DNAH12: variants seen among roughly 807,000 people sequenced by gnomAD.
DNAH12 encodes axonemal beta dynein heavy chain 12.
A neutral mutation model predicts 371.5 loss-of-function variants in DNAH12; 285 were observed. The observed-to-expected ratio is 0.77, with a 90% CI of 0.70 to 0.85. The LOEUF is 0.85. Ranked by LOEUF, DNAH12 falls within the 40% of genes least tolerant of loss-of-function variation. The pLI, the probability that DNAH12 is intolerant of heterozygous loss-of-function variation, is 0.00. For missense variants in DNAH12, 3,611 were observed against 3,689.4 expected (o/e 0.98, Z 0.55); for synonymous variants, 1,200 against 1,213.0 (o/e 0.99, Z 0.22).
intron 35 of DNAH12, among the ~76,000 whole-genome samples, chr3:57,422,794 A>G (rs1034376830): frequency 1.3e-5 from 2 of 152,240 alleles, no homozygotes; most frequent in Admixed American, 6.5e-5. Context: ...TAATAGCAAA[A>G]GATCAAAAGC....
At chr3:57,467,467 T>C (rs1010698656) in intron 17 of DNAH12, among the ~76,000 whole-genome samples, 2 of 152,166 alleles carry the variant, frequency 1.3e-5, no homozygotes, top group Non-Finnish European at 1.5e-5. Context: ...ACAATTTCTC[T>C]GGACTCAAAA....
At chr3:57,373,743 A>T (rs1187816339) in intron 55 of DNAH12, among the ~76,000 whole-genome samples, 6 of 152,318 alleles carry the variant, frequency 3.9e-5, no homozygotes, top group Non-Finnish European at 7.4e-5. Context: ...AAACAGAATG[A>T]TCCCTGCTCT....
rs1335803261 is a variant in DNAH12, at chr3:57,393,797, T to TA, written c.7110+373dup. On this transcript the variant is annotated intron_variant, in intron 44 of 73. Transcript: ENST00000495027. ...CCATAAGATAGTTTTATTAAAACTT[T>TA]AAAAAAATTTACTAACCAGTGTAAA... 5.9e-5 allele frequency among the ~76,000 whole-genome samples: 9 copies of TA among 152,186 alleles called. No individual in the cohort carries two copies. In the East Asian group the frequency reaches 1.7e-3, roughly 29 times the overall value.
chr3:57,405,629 T>C, intron 41 of DNAH12, 24 bp downstream of exon 41: 1 of 1,542,488 alleles, frequency 6.5e-7, no homozygotes, highest in South Asian at 1.2e-5. Flanking sequence ...TTTAACTCAA[T>C]ATGTTCTTAA....
chr3:57,489,682 T>C lies in DNAH12; in HGVS notation c.1341A>G (p.Ile447Met). The C allele has an allele frequency of 6.7e-7, 1 of 1,501,448 alleles. No individual in the cohort carries two copies. The highest frequency in any genetic ancestry group is 1.4e-5 in the South Asian group (1 of 73,954). 93.0% of individuals were successfully genotyped at this position (1,501,448 alleles called of 1,614,324 possible). Residue 447 changes from isoleucine to methionine, a missense_variant, in exon 12 of 74, where the codon ATA becomes ATG. Physicochemically the swap from Ile to Met is conservative, Grantham distance 10. Coordinates refer to ENST00000495027, the MANE Select transcript of DNAH12 (RefSeq NM_001366028.2). ...DHTFDEYTEF[I>M]EKFLSLASEI... The stretch of plus-strand genomic sequence containing the variant: ...CTGAGGCAAGACTGAGAAATTTTTC[T>C]ATAAACTTGAAAAAAAGTGTTCAAA...
chr3:57,455,755 T>G (rs539231347), intron 22 of DNAH12, among the ~76,000 whole-genome samples: 103 of 152,338 alleles, frequency 6.8e-4, no homozygotes, highest in African/African-American at 2.3e-3. Flanking sequence ...AATTATATAT[T>G]TGTTCAATTA....
intron 43 of DNAH12, among the ~76,000 whole-genome samples, chr3:57,397,205 G>C (rs1326942516): frequency 6.6e-6 from 1 of 151,490 alleles, no homozygotes; most frequent in Non-Finnish European, 1.5e-5. Flanking sequence ...GTTCTCCCCT[G>C]AAGACATGTA....
rs895361441 is a variant in DNAH12, at chr3:57,371,614, T to C, written c.8760-3354A>G. 7.5e-4 allele frequency among the ~76,000 whole-genome samples: 114 copies of C among 151,352 alleles called. 2 individuals are homozygous for C. In the South Asian group the frequency reaches 0.021, roughly 28 times the overall value. On this transcript the variant is annotated intron_variant, in intron 55 of 73. Coordinates refer to ENST00000495027, the MANE Select transcript of DNAH12 (RefSeq NM_001366028.2). ...AGGTCAAGGCTGCAGTGGGCCATGA[T>C]TGCACTACTACACTCCAGCCTAGGT...
rs142254009 is a variant in DNAH12 at position 57,346,818 on chromosome 3, T to G, written c.9674+5267A>C. Among the ~76,000 whole-genome samples the G allele has an allele frequency of 2.8e-3, 428 of 152,254 alleles. 1 individual carries two copies. The highest frequency in any genetic ancestry group is 9.8e-3 in the African/African-American group (408 of 41,572). ...GGGAAGTAGGGTAGCTATATTAATT[T>G]CAGACTAAGAAGACTTCAGAGCAAG... On this transcript the variant is annotated intron_variant, in intron 60 of 73. Coordinates refer to ENST00000495027, the MANE Select transcript of DNAH12 (RefSeq NM_001366028.2).
At chr3:57,476,835 C>A (rs983162685) in intron 13 of DNAH12, among the ~76,000 whole-genome samples, 5 of 152,006 alleles carry the variant, frequency 3.3e-5, no homozygotes, top group African/African-American at 1.2e-4. Context: ...AAGGTAAAAA[C>A]ATACTATTAA....
At position 57,295,380 on chromosome 3, in the gene DNAH12, T is replaced by C. The variant is rs2061211725; in HGVS notation, c.11692+145A>G. 12 of 577,832 alleles carry C rather than the reference T, an allele frequency of 2.1e-5. No individual in the cohort carries two copies. In the South Asian group the frequency reaches 3.6e-4, roughly 17 times the overall value. 35.8% of individuals were successfully genotyped at this position (577,832 alleles called of 1,614,324 possible). On this transcript the variant is annotated intron_variant, in intron 73 of 73. Coordinates refer to ENST00000495027, the MANE Select transcript of DNAH12 (RefSeq NM_001366028.2). ...TACACACAAAGAGATAATAATAATT[T>C]CTAATGTAAATGTTCTATTAATGTT...
rs2063567262 is a variant in DNAH12 at position 57,389,608 on chromosome 3, CA to C, written c.7305+2263del. Among the ~76,000 whole-genome samples, 4 of 151,428 alleles carry C rather than the reference CA, an allele frequency of 2.6e-5. No individual in the cohort carries two copies. The South Asian group carries it at 8.4e-4, about 32-fold the overall frequency. Reference sequence around the variant, plus strand: ...ATTCTCAAGCAACAAGATTGAGAGACAAAAAAGGCCCTTTTCTTACCATGTG... The same window carrying C: ...ATTCTCAAGCAACAAGATTGAGAGACAAAAAGGCCCTTTTCTTACCATGTG... On this transcript the variant is annotated intron_variant, in intron 45 of 73. Coordinates refer to ENST00000495027, the MANE Select transcript of DNAH12 (RefSeq NM_001366028.2).
chr3:57,322,936 A>G, intron 64 of DNAH12, 71 bp downstream of exon 64: 1 of 1,501,916 alleles, frequency 6.7e-7, no homozygotes, highest in South Asian at 1.3e-5. Flanking sequence ...TCTCAAAACA[A>G]ACAAACAAAA....
At chr3:57,459,438 TA>T (rs1477287661) in intron 20 of DNAH12, among the ~76,000 whole-genome samples, 153 bp downstream of exon 20, 2 of 152,246 alleles carry the variant, frequency 1.3e-5, no homozygotes, top group African/African-American at 4.8e-5. Context: ...AAACTTATTT[TA>T]ATACTTTTAT....
chr3:57,369,263 T>TTA (rs1469076690), intron 55 of DNAH12, among the ~76,000 whole-genome samples: 1 of 144,516 alleles, frequency 6.9e-6, no homozygotes. Context: ...CTGTATTTAA[T>TTA]TATATATATA....
chr3:57,386,642 T>C (rs1312477536), intron 46 of DNAH12, 39 bp from the exon 47 acceptor site: 5 of 152,218 alleles, frequency 3.3e-5, no homozygotes, highest in African/African-American at 9.6e-5. Flanking sequence ...CTTTAAGTAA[T>C]GGATTTCACA....
chr3:57,372,797 A>T (rs1012829325), intron 55 of DNAH12, among the ~76,000 whole-genome samples: 7 of 152,150 alleles, frequency 4.6e-5, no homozygotes, highest in Non-Finnish European at 8.8e-5. Flanking sequence ...AAAAAGGAAC[A>T]AAGAACAAAG....
In DNAH12 at chr3:57,525,274, C is replaced by T. The variant is rs2068603983; in HGVS notation, c.171-1390G>A. 2.0e-5 allele frequency among the ~76,000 whole-genome samples: 3 copies of T among 152,204 alleles called. No individual in the cohort carries two copies. In the South Asian group the frequency reaches 6.2e-4, roughly 32 times the overall value. On this transcript the variant is annotated intron_variant, in intron 2 of 73. Transcript: ENST00000495027. ...ATGTCTATTTTGCTCACTGCTCTCC[C>T]CACACCACTTAAATAGTATCCATGA...
intron 30 of DNAH12, 35 bp from the exon 31 acceptor site, chr3:57,433,863 T>C: frequency 6.9e-7 from 1 of 1,439,198 alleles, no homozygotes; most frequent in South Asian, 1.6e-5. Context: ...ACAATAAGAG[T>C]CTTTAAAGAG....
Sources: allele counts gnomAD v4.1 joint callset (sites outside exome capture counted in the v4.1 genomes callset), GRCh38; gene constraint gnomAD v4.1.1; transcripts MANE v1.5; gene names NCBI Gene and HGNC (gene_info 2026-07-23, HGNC 2026-07-21).